The following DAB2 variants were observed in gnomAD, a reference collection of about 807,000 sequenced individuals.
The protein encoded by DAB2 is disabled homolog 2.
A neutral mutation model predicts 71.6 loss-of-function variants in DAB2; 28 were observed. The ratio of observed to expected loss-of-function variants is 0.39; its 90% CI spans 0.29 to 0.54. The LOEUF (loss-of-function observed/expected upper bound fraction) is 0.54, where lower values mean the gene tolerates loss of function less well. Among genes scored for constraint, DAB2 ranks in the 20% least tolerant of loss-of-function variants. DAB2 has a pLI of 0.68. For missense variants in DAB2, 867 were observed against 928.8 expected (o/e 0.93, Z 0.86); for synonymous variants, 345 against 339.7 (o/e 1.02, Z -0.17).
intron 1 of DAB2, among the ~76,000 whole-genome samples, chr5:39,421,939 G>A (rs1314649251): frequency 6.6e-6 from 1 of 151,852 alleles, no homozygotes; most frequent in East Asian, 1.9e-4. Flanking sequence ...GTATGGTGGC[G>A]GGTACCTCTA....
chr5:39,373,818 G>A (rs1754755937), intron 14 of DAB2, among the ~76,000 whole-genome samples: 1 of 152,188 alleles, frequency 6.6e-6, no homozygotes, highest in Admixed American at 6.5e-5. Flanking sequence ...AATGGAAGGT[G>A]AGAATGATCT....
chr5:39,380,422 G>A (rs1754952108), intron 11 of DAB2, among the ~76,000 whole-genome samples: 1 of 152,224 alleles, frequency 6.6e-6, no homozygotes, highest in South Asian at 2.1e-4. Flanking sequence ...GACTGCAGGA[G>A]GCAGAGAAAG....
chr5:39,390,406 G>T, intron 5 of DAB2, 38 bp downstream of exon 5: 1 of 1,599,416 alleles, frequency 6.3e-7, no homozygotes, highest in Non-Finnish European at 8.5e-7. Context: ...GTCCACAGAG[G>T]ACAAGTCCCC....
chr5:39,395,891 T>C (rs1184042064), intron 1 of DAB2, among the ~76,000 whole-genome samples: 1 of 151,218 alleles, frequency 6.6e-6, no homozygotes, highest in Non-Finnish European at 1.5e-5. Flanking sequence ...TGAGTATTAC[T>C]GTATCATATT....
intron 3 of DAB2, among the ~76,000 whole-genome samples, chr5:39,392,898 G>A (rs900505475): frequency 2.6e-5 from 4 of 152,136 alleles, no homozygotes; most frequent in African/African-American, 9.7e-5. Context: ...CAATTCCCAG[G>A]TCTAAAACAG....
At chr5:39,395,814 C>G (rs1755350495) in intron 1 of DAB2, among the ~76,000 whole-genome samples, 1 of 151,882 alleles carries the variant, frequency 6.6e-6, no homozygotes, top group South Asian at 2.1e-4. Context: ...TAACTCAGGA[C>G]TTAGGTGGGA....
intron 8 of DAB2, 125 bp from the exon 9 acceptor site, chr5:39,388,492 T>C (rs193011226): frequency 4.9e-4 from 358 of 724,250 alleles, no homozygotes; most frequent in African/African-American, 4.2e-3. Context: ...ATTTAACTAA[T>C]AGATTTCATA....
chr5:39,382,999 C>T lies in DAB2; in HGVS notation c.960G>A (p.Lys320=). 1 of 1,614,160 alleles carries T rather than the reference C, an allele frequency of 6.2e-7. No individual in the cohort carries two copies. ...SFDSLKSPDQ[K]KENSSSSSTP... is the part of the protein sequence containing the mutation. Reference sequence around the variant, plus strand: ...TAGACGAGCTACTCGAATTCTCTTTCTTCTGATCTGGAGATTTGAGAGAAT... The same window carrying T: ...TAGACGAGCTACTCGAATTCTCTTTTTTCTGATCTGGAGATTTGAGAGAAT... The change falls in exon 10 of 15, where the codon AAG becomes AAA. Residue 320 remains lysine, a synonymous_variant. Transcript: ENST00000320816.
rs3024228 is a variant in DAB2 at position 39,395,937 on chromosome 5, C to CTTTTTTTTTTTTTTTTTT, written c.-101-1534_-101-1517dup. Among the ~76,000 whole-genome samples, 13 of 74,858 alleles carry CTTTTTTTTTTTTTTTTTT rather than the reference C, an allele frequency of 1.7e-4. 4 individuals are homozygous for CTTTTTTTTTTTTTTTTTT. Among genetic ancestry groups the CTTTTTTTTTTTTTTTTTT allele is most frequent in the African/African-American group, 6.1e-4 (11 of 17,990 alleles). 49.1% of individuals were successfully genotyped at this position (74,858 alleles called of 152,430 possible). Reference sequence around the variant, plus strand: ...GAGGGAAGGCTAAGACACAGATATTCTTTTTTTTTTTTTTTTTTTTTTTGA... The same window carrying CTTTTTTTTTTTTTTTTTT: ...GAGGGAAGGCTAAGACACAGATATTCTTTTTTTTTTTTTTTTTTTTTTTTTTTTTTTTTTTTTTTTTGA... On this transcript the variant is annotated intron_variant, in intron 1 of 14. Transcript: ENST00000320816.
chr5:39,390,266 A>C (rs1383582958), intron 5 of DAB2, among the ~76,000 whole-genome samples, 178 bp downstream of exon 5: 1 of 152,208 alleles, frequency 6.6e-6, no homozygotes, highest in Non-Finnish European at 1.5e-5. Flanking sequence ...ACAGCAGTGC[A>C]TAGCTATCAA....
At chr5:39,390,045 T>C in intron 5 of DAB2, 113 bp from the exon 6 acceptor site, 1 of 745,648 alleles carries the variant, frequency 1.3e-6, no homozygotes, top group Non-Finnish European at 2.1e-6. Flanking sequence ...TAAAACGCCT[T>C]ACTACCCTCT....
chr5:39,406,322 C>T (rs1027730142), intron 1 of DAB2, among the ~76,000 whole-genome samples: 3 of 152,112 alleles, frequency 2.0e-5, no homozygotes, highest in Non-Finnish European at 4.4e-5. Flanking sequence ...AGCCGTGTGA[C>T]CAGAGGGCCT....
intron 8 of DAB2, 65 bp from the exon 9 acceptor site, chr5:39,388,432 A>G (rs1755147797): frequency 8.8e-7 from 1 of 1,131,668 alleles, no homozygotes; most frequent in African/African-American, 1.6e-5. Flanking sequence ...GTATATTGTA[A>G]TCATTTGTTT....
intron 1 of DAB2, among the ~76,000 whole-genome samples, chr5:39,407,181 C>CA (rs757167257): frequency 6.6e-6 from 1 of 152,072 alleles, no homozygotes; most frequent in Non-Finnish European, 1.5e-5. Context: ...ATATTTCTAC[C>CA]AAAAATAACT....
In DAB2 at chr5:39,394,426, A is replaced by G; in HGVS notation, c.-101-5T>C. On this transcript the variant is annotated splice_region_variant and splice_polypyrimidine_tract_variant and intron_variant, in intron 1 of 14. Coordinates refer to ENST00000320816, the MANE Select transcript of DAB2 (RefSeq NM_001343.4). ...AACATAACCTCCCACAGACACCTGT[A>G]GGCAGAGTTTAGAGGCATATTGAGA... 1 of 845,282 alleles carries G rather than the reference A, an allele frequency of 1.2e-6. No individual in the cohort carries two copies. Among genetic ancestry groups the G allele is most frequent in the Non-Finnish European group, 2.0e-6 (1 of 493,506 alleles). The allele number at this position is 845,282 out of a possible 1,614,324, so 52.4% of individuals were successfully genotyped here. A position where few individuals can be genotyped will look rare whatever the true frequency, so the allele number is the denominator to read the frequency against.
chr5:39,384,290 T>G (rs985839463), intron 9 of DAB2, among the ~76,000 whole-genome samples: 2 of 152,224 alleles, frequency 1.3e-5, no homozygotes, highest in East Asian at 3.8e-4. Context: ...CTCATATACA[T>G]ACACATGATA....
chr5:39,376,874 G>A lies in DAB2; in HGVS notation c.1913C>T (p.Thr638Ile). ...TTTATCCCCAAGTGGGTCTAAGGCA[G>A]TGAAGGCATCACTGGAGATGTCCTT... ...PPKDISSDAF[T>I]ALDPLGDKEI... is the part of the protein sequence containing the mutation. The change falls in exon 12 of 15, where the codon ACT (threonine) becomes ATT (isoleucine). Residue 638 changes from threonine (T) to isoleucine (I), a missense_variant. Physicochemically the swap from Thr to Ile is moderately conservative, Grantham distance 89. Coordinates refer to ENST00000320816, the MANE Select transcript of DAB2 (RefSeq NM_001343.4). 3 of 1,614,150 alleles carry A rather than the reference G, an allele frequency of 1.9e-6. No homozygotes were observed. Among genetic ancestry groups the A allele is most frequent in the South Asian group, 1.1e-5 (1 of 91,082 alleles).
intron 1 of DAB2, among the ~76,000 whole-genome samples, chr5:39,404,719 C>A (rs1414978468): frequency 1.3e-5 from 2 of 152,206 alleles, no homozygotes; most frequent in East Asian, 3.9e-4. Flanking sequence ...GCTGGGACTA[C>A]AGGTGCCCAC....
chr5:39,399,590 CCCTGAAAGAATGCAGAGA>C (rs1755450695), intron 1 of DAB2, among the ~76,000 whole-genome samples: 1 of 152,190 alleles, frequency 6.6e-6, no homozygotes, highest in African/African-American at 2.4e-5. Context: ...ATGCAAATCT[CCCTGAAAGAATGCAGAGA>C]CTTCCCCCTT....
Sources: allele counts gnomAD v4.1 joint callset (sites outside exome capture counted in the v4.1 genomes callset), GRCh38; gene constraint gnomAD v4.1.1; transcripts MANE v1.5; gene names NCBI Gene and HGNC (gene_info 2026-07-23, HGNC 2026-07-21).